ITGA6: variants seen among roughly 807,000 people sequenced by gnomAD.
ITGA6 encodes the protein integrin subunit alpha 6.
In ITGA6, 63 loss-of-function variants were observed where a neutral mutation model predicts 133.6. That is an observed-to-expected ratio of 0.47 (90% CI 0.38 to 0.58). The LOEUF (loss-of-function observed/expected upper bound fraction) is 0.58, where lower values mean the gene tolerates loss of function less well. Ranked by LOEUF, ITGA6 falls within the 20% of genes least tolerant of loss-of-function variation. ITGA6 has a pLI of 0.00. For missense variants in ITGA6, 1,068 were observed against 1,309.4 expected (o/e 0.82, Z 2.85); for synonymous variants, 434 against 482.0 (o/e 0.90, Z 1.30).
chr2:172,470,785 A>C (rs1574370961), intron 4 of ITGA6, among the ~76,000 whole-genome samples, 189 bp from the exon 5 acceptor site: 1 of 152,234 alleles, frequency 6.6e-6, no homozygotes, highest in African/African-American at 2.4e-5. Context: ...ACTCAAACAA[A>C]TTTCTTTCCC....
chr2:172,472,520 A>G (rs531510997), intron 5 of ITGA6, among the ~76,000 whole-genome samples: 1 of 152,348 alleles, frequency 6.6e-6, no homozygotes, highest in Non-Finnish European at 1.5e-5. Flanking sequence ...TCAAAAGTGA[A>G]TGCCTGAGAA....
chr2:172,467,144 A>G (rs1192092789), intron 2 of ITGA6, among the ~76,000 whole-genome samples: 1 of 152,154 alleles, frequency 6.6e-6, no homozygotes, highest in African/African-American at 2.4e-5. Context: ...TTGTTGCCTT[A>G]AGAGATGTAT....
chr2:172,471,537 A>G lies in ITGA6; in HGVS notation c.775+432A>G, dbSNP rs3749149. 1.9e-4 allele frequency among the ~76,000 whole-genome samples: 29 copies of G among 152,294 alleles called. No homozygotes were observed. In the East Asian group the frequency reaches 5.4e-3, roughly 28 times the overall value. Reference sequence around the variant, plus strand: ...TTAATAAAGTTACTCTTAAGTGGCAAGTCAAGACCTCCAGGTCCTCCCTCT... The same window carrying G: ...TTAATAAAGTTACTCTTAAGTGGCAGGTCAAGACCTCCAGGTCCTCCCTCT... On this transcript the variant is annotated intron_variant, in intron 5 of 25. Transcript: ENST00000684293.
intron 1 of ITGA6, among the ~76,000 whole-genome samples, chr2:172,438,825 A>G (rs1041881146): frequency 2.0e-5 from 3 of 151,860 alleles, no homozygotes; most frequent in Non-Finnish European, 4.4e-5. Flanking sequence ...AAGTTTCCCT[A>G]TGGAAGACTA....
intron 4 of ITGA6, among the ~76,000 whole-genome samples, chr2:172,470,679 T>C (rs560007114): frequency 1.3e-5 from 2 of 152,372 alleles, no homozygotes; most frequent in African/African-American, 4.8e-5. Context: ...ATTGGTTCTC[T>C]GTAGATTTTG....
chr2:172,472,953 G>A (rs16860498), intron 5 of ITGA6: 3 of 940,050 alleles, frequency 3.2e-6, no homozygotes, highest in Admixed American at 1.8e-5. Flanking sequence ...TTTTTTTTTT[G>A]ATCCATACAG....
chr2:172,497,447 C>A (rs1279370191), intron 23 of ITGA6, among the ~76,000 whole-genome samples: 1 of 149,262 alleles, frequency 6.7e-6, no homozygotes, highest in East Asian at 1.9e-4. Context: ...GCTGCAGTGA[C>A]CCATGGTCAC....
At chr2:172,446,675 A>G (rs1338927795) in intron 1 of ITGA6, among the ~76,000 whole-genome samples, 1 of 152,230 alleles carries the variant, frequency 6.6e-6, no homozygotes, top group Non-Finnish European at 1.5e-5. Context: ...TAAGTCGGGT[A>G]TCTGGTAATT....
Position 172,487,440 on chromosome 2 carries a change from T to G in ITGA6, c.2147T>G (p.Leu716Arg), listed in dbSNP as rs761671363. 6.2e-7 allele frequency: 1 copy of G among 1,614,054 alleles called. No individual in the cohort carries two copies. The highest frequency in any genetic ancestry group is 1.7e-5 in the Admixed American group (1 of 60,026). ...DTLTYSAYRE[L>R]RAFPEKQLSC... is the part of the protein sequence containing the mutation. ...TTAACCTATTCTGCATATAGAGAAC[T>G]GAGGGCTTTCCCTGTAAGTATTGTT... is the stretch of plus-strand genomic sequence containing the variant. The change falls in exon 15 of 26, where the codon CTG becomes CGG. Residue 716 changes from leucine (L) to arginine (R), a missense_variant. Transcript: ENST00000684293.
At chr2:172,474,397 C>G in intron 6 of ITGA6, 132 bp downstream of exon 6, 1 of 768,292 alleles carries the variant, frequency 1.3e-6, no homozygotes, top group East Asian at 2.7e-5. Flanking sequence ...TTTTACCAGC[C>G]TATCTTTATC....
intron 20 of ITGA6, 57 bp from the exon 21 acceptor site, chr2:172,490,967 A>G: frequency 2.2e-6 from 2 of 896,908 alleles, no homozygotes; most frequent in Non-Finnish European, 1.9e-6. Flanking sequence ...AGAGGCTTGT[A>G]TGGTAATGAC....
chr2:172,432,666 G>A (rs1361203470), intron 1 of ITGA6, among the ~76,000 whole-genome samples: 1 of 152,226 alleles, frequency 6.6e-6, no homozygotes, highest in East Asian at 1.9e-4. Context: ...AAGGCGGGGG[G>A]TTCCAGCTAA....
At chr2:172,471,407 C>G (rs1386205365) in intron 5 of ITGA6, among the ~76,000 whole-genome samples, 2 of 152,220 alleles carry the variant, frequency 1.3e-5, no homozygotes, top group Admixed American at 6.5e-5. Context: ...CCTCCGTAAC[C>G]TGAAACAGGC....
At chr2:172,486,098 C>T (rs1686754727) in intron 13 of ITGA6, among the ~76,000 whole-genome samples, 1 of 146,932 alleles carries the variant, frequency 6.8e-6, no homozygotes, top group South Asian at 2.2e-4. Context: ...ATGCCTTAAA[C>T]CCGGCAGGTG....
intron 25 of ITGA6, chr2:172,503,824 TAA>T (rs1687446482): frequency 4.0e-6 from 1 of 249,574 alleles, no homozygotes; most frequent in Non-Finnish European, 7.5e-6. Flanking sequence ...AAATTGTTAG[TAA>T]AGAGGTAGCC....
chr2:172,456,589 C>T (rs1453982162), intron 1 of ITGA6, among the ~76,000 whole-genome samples: 2 of 152,132 alleles, frequency 1.3e-5, no homozygotes, highest in Admixed American at 1.3e-4. Context: ...AGGCTAGAAG[C>T]GTTAACCATT....
intron 1 of ITGA6, among the ~76,000 whole-genome samples, chr2:172,442,762 C>A (rs778835969): frequency 2.6e-5 from 4 of 152,092 alleles, no homozygotes; most frequent in Non-Finnish European, 5.9e-5. Flanking sequence ...GCCTCTGGAA[C>A]GGGCTGTAAA....
chr2:172,465,477 T>G, intron 1 of ITGA6, 62 bp from the exon 2 acceptor site: 1 of 1,586,700 alleles, frequency 6.3e-7, no homozygotes, highest in Non-Finnish European at 8.6e-7. Flanking sequence ...TAGTTCTGAC[T>G]GATTTAACTG....
intron 25 of ITGA6, among the ~76,000 whole-genome samples, chr2:172,503,141 C>T (rs991340679): frequency 6.6e-6 from 1 of 152,046 alleles, no homozygotes; most frequent in Non-Finnish European, 1.5e-5. Flanking sequence ...ATTGACGTCA[C>T]ACAATAAACA....
Sources: gnomAD v4.1 joint callset for allele counts (sites outside exome capture counted in the v4.1 genomes callset) on GRCh38, gnomAD v4.1.1 for gene constraint, MANE v1.5 for transcripts, NCBI Gene and HGNC (gene_info 2026-07-23, HGNC 2026-07-21) for gene names.